CCSER1: variants seen among roughly 807,000 people sequenced by gnomAD.
The protein encoded by CCSER1 is serine-rich coiled-coil domain-containing protein 1.
Under a neutral mutation model 82.0 loss-of-function variants are expected in CCSER1, and 41 were observed. That is an observed-to-expected ratio of 0.50 (90% confidence interval 0.39 to 0.65). The LOEUF is 0.65. Among genes scored for constraint, CCSER1 ranks in the 30% least tolerant of loss-of-function variants. CCSER1 has a pLI of 0.00. For synonymous variants in CCSER1, 414 were observed against 383.9 expected (o/e 1.08, Z -0.92); for missense variants, 1,119 against 1,064.2 (o/e 1.05, Z -0.72).
At chr4:91,202,076 C>A (rs1735942603) in intron 10 of CCSER1, among the ~76,000 whole-genome samples, 1 of 150,650 alleles carries the variant, frequency 6.6e-6, no homozygotes, top group African/African-American at 2.4e-5. Context: ...TAAATGCAAT[C>A]AATAGAAATA....
chr4:91,384,475 T>A (rs1023139036), intron 10 of CCSER1, among the ~76,000 whole-genome samples: 9 of 145,108 alleles, frequency 6.2e-5, no homozygotes, highest in African/African-American at 2.5e-4. Context: ...GTCAAAAATC[T>A]TTTTTTTTAA....
intron 4 of CCSER1, among the ~76,000 whole-genome samples, chr4:90,413,428 T>C (rs1191886378): frequency 1.3e-5 from 2 of 152,104 alleles, no homozygotes; most frequent in Non-Finnish European, 1.5e-5. Flanking sequence ...CCATTATTCT[T>C]TGCAGAACTA....
At chr4:91,011,564 AGGC>A (rs1212985742) in intron 9 of CCSER1, among the ~76,000 whole-genome samples, 1 of 134,342 alleles carries the variant, frequency 7.4e-6, no homozygotes, top group African/African-American at 2.5e-5. Context: ...TCTGACTCTA[AGGC>A]ACCCCCTGGC....
chr4:90,409,746 C>T (rs1167971696), intron 4 of CCSER1, among the ~76,000 whole-genome samples: 2 of 152,182 alleles, frequency 1.3e-5, no homozygotes, highest in Non-Finnish European at 1.5e-5. Context: ...AAGCAGCTAA[C>T]ATCATAATGA....
chr4:91,275,464 GTCT>G (rs1478216850), intron 10 of CCSER1, among the ~76,000 whole-genome samples: 1 of 152,004 alleles, frequency 6.6e-6, no homozygotes, highest in Non-Finnish European at 1.5e-5. Context: ...CCATTTTTAT[GTCT>G]TCTTCTGACA....
chr4:90,453,128 T>A (rs374870666), intron 4 of CCSER1, among the ~76,000 whole-genome samples: 5 of 152,180 alleles, frequency 3.3e-5, no homozygotes, highest in African/African-American at 1.2e-4. Flanking sequence ...ATTCCTGAGG[T>A]AACACTGTCC....
intron 10 of CCSER1, among the ~76,000 whole-genome samples, chr4:91,507,904 T>C (rs929523686): frequency 4.6e-5 from 7 of 151,288 alleles, no homozygotes; most frequent in Non-Finnish European, 8.8e-5. Context: ...GAGATAAAAT[T>C]AATTTTGTAT....
At chr4:90,610,447 C>T (rs939170105) in intron 5 of CCSER1, among the ~76,000 whole-genome samples, 1 of 152,044 alleles carries the variant, frequency 6.6e-6, no homozygotes, top group Non-Finnish European at 1.5e-5. Flanking sequence ...CTATCAGCTA[C>T]TACTTCATGG....
chr4:91,086,150 CA>C (rs1723372780), intron 10 of CCSER1, among the ~76,000 whole-genome samples, 156 bp downstream of exon 10: 1 of 151,968 alleles, frequency 6.6e-6, no homozygotes, highest in Non-Finnish European at 1.5e-5. Context: ...TTCATTCTGC[CA>C]AAGCATATTT....
At chr4:90,162,970 G>A (rs1280742531) in intron 1 of CCSER1, among the ~76,000 whole-genome samples, 1 of 151,930 alleles carries the variant, frequency 6.6e-6, no homozygotes, top group Non-Finnish European at 1.5e-5. Flanking sequence ...AAGAAACCAT[G>A]GAAATTATTC....
intron 3 of CCSER1, 113 bp from the exon 4 acceptor site, chr4:90,399,923 A>C (rs1300979736): frequency 1.8e-6 from 1 of 547,824 alleles, no homozygotes; most frequent in Non-Finnish European, 3.3e-6. Context: ...GACTCAGTTA[A>C]AACTTTTCAT....
chr4:91,539,214 T>C (rs1761461163), intron 10 of CCSER1, among the ~76,000 whole-genome samples: 1 of 152,086 alleles, frequency 6.6e-6, no homozygotes, highest in African/African-American at 2.4e-5. Flanking sequence ...ATGCTTTTCC[T>C]TATATATTGT....
intron 5 of CCSER1, among the ~76,000 whole-genome samples, chr4:90,602,776 A>G (rs1784183147): frequency 6.6e-6 from 1 of 152,204 alleles, no homozygotes; most frequent in Non-Finnish European, 1.5e-5. Flanking sequence ...AATACTATGC[A>G]CATAGGATTA....
chr4:90,386,965 A>T (rs1005846557), intron 3 of CCSER1, among the ~76,000 whole-genome samples: 2 of 152,090 alleles, frequency 1.3e-5, no homozygotes, highest in African/African-American at 4.8e-5. Context: ...ATATTTGTTT[A>T]TTGTCTAGGT....
At chr4:90,522,484 C>T (rs934844922) in intron 5 of CCSER1, among the ~76,000 whole-genome samples, 2 of 152,110 alleles carry the variant, frequency 1.3e-5, no homozygotes, top group Non-Finnish European at 2.9e-5. Context: ...CTACTGAAAT[C>T]TGGTTTGGCT....
At chr4:90,211,989 G>T (rs970111234) in intron 1 of CCSER1, among the ~76,000 whole-genome samples, 1 of 152,110 alleles carries the variant, frequency 6.6e-6, no homozygotes, top group Non-Finnish European at 1.5e-5. Context: ...GACAACAACC[G>T]CTGTCAGCCC....
At chr4:90,167,918 G>A (rs7440657) in intron 1 of CCSER1, among the ~76,000 whole-genome samples, 47,120 of 151,626 alleles carry the variant, frequency 0.31, 8,578 homozygotes, top group East Asian at 0.65. Flanking sequence ...TATTGTGAAT[G>A]GTGCCACGAT....
chr4:90,602,552 A>G (rs897225207), intron 5 of CCSER1, among the ~76,000 whole-genome samples: 4 of 152,140 alleles, frequency 2.6e-5, no homozygotes, highest in Non-Finnish European at 5.9e-5. Context: ...GTATTCTGTT[A>G]TATTATCAAC....
rs1411011821 is a variant in CCSER1, at chr4:91,440,142, C to T, written c.2218-158430C>T. Reference sequence around the variant, plus strand: ...AATAGACATCTACAGAACTCTCCACCCCAAATCAACAGAATATACATTTTT... The same window carrying T: ...AATAGACATCTACAGAACTCTCCACTCCAAATCAACAGAATATACATTTTT... On this transcript the variant is annotated intron_variant, in intron 10 of 10. Coordinates refer to ENST00000509176, the MANE Select transcript of CCSER1 (RefSeq NM_001145065.2). 9.9e-5 allele frequency among the ~76,000 whole-genome samples: 15 copies of T among 152,162 alleles called. No individual in the cohort carries two copies. In the South Asian group the frequency reaches 3.1e-3, roughly 32 times the overall value.
Sources: gnomAD v4.1 joint callset for allele counts (sites outside exome capture counted in the v4.1 genomes callset) on GRCh38, gnomAD v4.1.1 for gene constraint, MANE v1.5 for transcripts, NCBI Gene and HGNC (gene_info 2026-07-23, HGNC 2026-07-21) for gene names.